IKZF2: variants seen among roughly 807,000 people sequenced by gnomAD.
IKZF2 encodes zinc finger protein Helios.
IKZF2 carries 15 observed loss-of-function variants against 49.2 expected under a neutral mutation model. The ratio of observed to expected loss-of-function variants is 0.30; its 90% CI spans 0.20 to 0.47. IKZF2 has a LOEUF of 0.47. Ranked by LOEUF, IKZF2 falls within the 20% of genes least tolerant of loss-of-function variation. The pLI is 1.00. For synonymous variants in IKZF2, 227 were observed against 221.4 expected (o/e 1.03, Z -0.23); for missense variants, 567 against 664.6 (o/e 0.85, Z 1.61).
In IKZF2 at chr2:213,007,344, T is replaced by A; in HGVS notation, c.*16A>T. On this transcript the variant is annotated 3_prime_UTR_variant, in exon 9 of 9. Coordinates refer to ENST00000434687, the MANE Select transcript of IKZF2 (RefSeq NM_001387220.1). ...AGTTCTTTACTTCATAGGGGTCCCC[T>A]TTGGAATGAAAAGGCCTAGTGGAAT... 1 of 1,608,958 alleles carries A rather than the reference T, an allele frequency of 6.2e-7. No homozygotes were observed. The highest frequency in any genetic ancestry group is 8.5e-7 in the Non-Finnish European group (1 of 1,177,552).
intron 6 of IKZF2, among the ~76,000 whole-genome samples, chr2:213,030,810 T>A (rs1273873769): frequency 7.3e-6 from 1 of 137,814 alleles, no homozygotes; most frequent in Non-Finnish European, 1.6e-5. Flanking sequence ...AGTACTATTT[T>A]TCTTTTTTTT....
intron 4 of IKZF2, among the ~76,000 whole-genome samples, chr2:213,116,744 C>G (rs2059891655): frequency 6.6e-6 from 1 of 152,056 alleles, no homozygotes; most frequent in South Asian, 2.1e-4. Context: ...GTCTCACACA[C>G]AAAAATCTGC....
chr2:213,095,183 T>C (rs553058906), intron 4 of IKZF2, among the ~76,000 whole-genome samples: 14 of 152,130 alleles, frequency 9.2e-5, no homozygotes, highest in Non-Finnish European at 1.6e-4. Context: ...TAAGTGAACA[T>C]TAAAATGAAT....
chr2:213,070,081 C>T (rs1201501389), intron 4 of IKZF2, among the ~76,000 whole-genome samples: 1 of 151,942 alleles, frequency 6.6e-6, no homozygotes, highest in East Asian at 1.9e-4. Context: ...GACTTTCACA[C>T]TCAGAGGAAA....
At chr2:213,133,748 A>G (rs2060557896) in intron 4 of IKZF2, among the ~76,000 whole-genome samples, 1 of 146,226 alleles carries the variant, frequency 6.8e-6, no homozygotes, top group Non-Finnish European at 1.5e-5. Flanking sequence ...AATATTCACT[A>G]TTTTCCAGTA....
intron 4 of IKZF2, among the ~76,000 whole-genome samples, chr2:213,105,385 G>A (rs2059490274): frequency 6.6e-6 from 1 of 152,018 alleles, no homozygotes; most frequent in African/African-American, 2.4e-5. Flanking sequence ...CAGAGGTTTT[G>A]GGGGAAGGGA....
chr2:213,013,909 T>C lies in IKZF2; in HGVS notation c.738A>G (p.Glu246=), dbSNP rs1179159874. ...HHVPPMEDCK[E]QEPIMDNNIS... ...TATTGTTGTCCATAATAGGCTCTTG[T>C]TCCTTACAATCTTCCATAGGAGGTA... Residue 246 remains glutamate, a synonymous_variant, in exon 8 of 9, where the codon GAA becomes GAG. Transcript: ENST00000434687. 6.2e-7 allele frequency: 1 copy of C among 1,611,664 alleles called. No homozygotes were observed. Among genetic ancestry groups the C allele is most frequent in the Non-Finnish European group, 8.5e-7 (1 of 1,178,180 alleles).
At chr2:213,133,699 C>T (rs549124375) in intron 4 of IKZF2, among the ~76,000 whole-genome samples, 14 of 60,626 alleles carry the variant, frequency 2.3e-4, no homozygotes, top group African/African-American at 6.1e-4. Flanking sequence ...GACTCCGTCT[C>T]GAAAAAATAA....
At chr2:213,092,304 C>T (rs1376063725) in intron 4 of IKZF2, among the ~76,000 whole-genome samples, 1 of 152,152 alleles carries the variant, frequency 6.6e-6, no homozygotes, top group Non-Finnish European at 1.5e-5. Context: ...GCTGAGATTA[C>T]AGTGTGAGCC....
At chr2:213,091,573 A>G (rs972143573) in intron 4 of IKZF2, among the ~76,000 whole-genome samples, 4 of 152,140 alleles carry the variant, frequency 2.6e-5, no homozygotes, top group African/African-American at 9.6e-5. Context: ...GATCCCCTCA[A>G]TGGCTGAGTT....
intron 4 of IKZF2, among the ~76,000 whole-genome samples, chr2:213,110,392 T>C (rs2059662653): frequency 1.3e-5 from 2 of 151,934 alleles, no homozygotes; most frequent in Admixed American, 1.3e-4. Context: ...AATATAATTA[T>C]TAGTAAACAT....
At position 213,057,050 on chromosome 2, in the gene IKZF2, T is replaced by C. The variant is rs536853857; in HGVS notation, c.189A>G (p.Lys63=). The part of the protein sequence containing the change: ...EMQSDEECDR[K]PLSREDEIRG... ...TGATCTCATCTTCACGGCTCAGGGG[T>C]TTCCTGTCACACTCTTCATCACTCT... is the stretch of plus-strand genomic sequence containing the variant. The change falls in exon 5 of 9, where the codon AAA becomes AAG. Residue 63 remains lysine, a synonymous_variant. Coordinates refer to ENST00000434687, the MANE Select transcript of IKZF2 (RefSeq NM_001387220.1). 1 of 1,613,664 alleles carries C rather than the reference T, an allele frequency of 6.2e-7. No homozygotes were observed. Among genetic ancestry groups the C allele is most frequent in the South Asian group, 1.1e-5 (1 of 91,054 alleles).
intron 6 of IKZF2, among the ~76,000 whole-genome samples, chr2:213,046,622 C>T (rs1700175829): frequency 6.6e-6 from 1 of 152,162 alleles, no homozygotes; most frequent in Non-Finnish European, 1.5e-5. Flanking sequence ...GAGGTAATGA[C>T]ATATGGCATG....
At chr2:213,146,737 C>A (rs2061075343) in intron 4 of IKZF2, among the ~76,000 whole-genome samples, 1 of 104,886 alleles carries the variant, frequency 9.5e-6, no homozygotes, top group African/African-American at 4.0e-5. Flanking sequence ...ACATGATTCA[C>A]TTTTCTTAGT....
intron 4 of IKZF2, among the ~76,000 whole-genome samples, chr2:213,117,882 T>C (rs773677875): frequency 2.0e-5 from 3 of 152,346 alleles, no homozygotes; most frequent in Non-Finnish European, 4.4e-5. Flanking sequence ...TTTTTAGCAG[T>C]GTTTCAAGTG....
chr2:213,055,465 G>C (rs6743046), intron 5 of IKZF2, among the ~76,000 whole-genome samples: 39,035 of 151,716 alleles, frequency 0.26, 5,408 homozygotes, highest in Middle Eastern at 0.29. Context: ...GATAAAAAAC[G>C]AAAAAGCAAA....
At chr2:213,090,979 A>G (rs1652542150) in intron 4 of IKZF2, among the ~76,000 whole-genome samples, 1 of 152,188 alleles carries the variant, frequency 6.6e-6, no homozygotes. Context: ...ATACAGGCTC[A>G]GATGAGATAT....
At chr2:213,074,300 T>C (rs984318088) in intron 4 of IKZF2, among the ~76,000 whole-genome samples, 2 of 152,188 alleles carry the variant, frequency 1.3e-5, no homozygotes, top group African/African-American at 4.8e-5. Flanking sequence ...CAAATCTAGA[T>C]AGGATAGCCT....
intron 4 of IKZF2, among the ~76,000 whole-genome samples, chr2:213,082,272 C>T (rs558436291): frequency 1.6e-4 from 24 of 152,166 alleles, no homozygotes; most frequent in Admixed American, 3.9e-4. Flanking sequence ...ATAAATACAA[C>T]GATAAAGAAT....
Sources: gnomAD v4.1 joint callset for allele counts (sites outside exome capture counted in the v4.1 genomes callset) on GRCh38, gnomAD v4.1.1 for gene constraint, MANE v1.5 for transcripts, NCBI Gene and HGNC (gene_info 2026-07-23, HGNC 2026-07-21) for gene names.